The following ABHD2 variants were observed in gnomAD, a reference collection of about 807,000 sequenced individuals.
The protein encoded by ABHD2 is monoacylglycerol lipase ABHD2.
In ABHD2, 20 loss-of-function variants were observed where a neutral mutation model predicts 48.1. The ratio of observed to expected loss-of-function variants is 0.42; its 90% CI spans 0.29 to 0.60. The LOEUF (loss-of-function observed/expected upper bound fraction) is 0.60. ABHD2 is among the 20% of genes least tolerant of loss of function. The pLI is 0.24. For synonymous variants in ABHD2, 209 were observed against 214.2 expected, an observed-to-expected ratio of 0.98 and a Z score of 0.21; for missense variants, 405 against 550.9, an observed-to-expected ratio of 0.74 and a Z score of 2.65.
chr15:89,165,129 T>C (rs1019936391), intron 5 of ABHD2, among the ~76,000 whole-genome samples: 2 of 152,214 alleles, frequency 1.3e-5, no homozygotes, highest in African/African-American at 2.4e-5. Context: ...AATGCTTGCT[T>C]TCCAGCTGGA....
Position 89,196,453 on chromosome 15 carries a change from C to T in ABHD2, c.*1030C>T, listed in dbSNP as rs2051404466. 1 of 152,160 alleles carries T rather than the reference C, an allele frequency of 6.6e-6. No homozygotes were observed. Among genetic ancestry groups the T allele is most frequent in the Non-Finnish European group, 1.5e-5 (1 of 68,040 alleles). The allele number at this position is 152,160 out of a possible 1,614,324, so 9.4% of individuals were successfully genotyped here. ...ACCAGGTAGATTGCTGAGCTCACTA[C>T]CAGGTTCAAAGTTCAATGACAAACT... is the stretch of plus-strand genomic sequence containing the variant. On this transcript the variant is annotated 3_prime_UTR_variant, in exon 11 of 11. Coordinates refer to ENST00000352732, the MANE Select transcript of ABHD2 (RefSeq NM_152924.5).
At chr15:89,054,331 A>G in the ABHD2 span, among the ~76,000 whole-genome samples, 1 of 152,038 alleles carries the variant, frequency 6.6e-6, no homozygotes, top group Admixed American at 6.6e-5. Flanking sequence ...CAAAAAAAAA[A>G]AAAAGGATTT....
chr15:89,092,313 T>A lies in ABHD2; in HGVS notation c.-107+3750T>A, dbSNP rs1901629049. ...GAACGTTGGTACCCTTGGATTTGCC[T>A]GGTTTCTGATTTTCTTTTGTTGTCT... On this transcript the variant is annotated intron_variant, in intron 1 of 10. Transcript: ENST00000352732. The surrounding 1 kb of genome is among the most constrained non-coding windows in gnomAD (Gnocchi z 4.4). Among the ~76,000 whole-genome samples the A allele has an allele frequency of 6.6e-6, 1 of 152,210 alleles. No homozygotes were observed. The highest frequency in any genetic ancestry group is 1.9e-4 in the East Asian group (1 of 5,200).
intron 5 of ABHD2, among the ~76,000 whole-genome samples, chr15:89,159,173 T>TGTCG (rs1225782760): frequency 6.6e-6 from 1 of 151,484 alleles, no homozygotes; most frequent in East Asian, 2.0e-4. Flanking sequence ...GGTCAGGAGT[T>TGTCG]TGAGAGCAGC....
chr15:89,170,406 C>G (rs2050906920), intron 5 of ABHD2, among the ~76,000 whole-genome samples: 1 of 151,968 alleles, frequency 6.6e-6, no homozygotes, highest in Non-Finnish European at 1.5e-5. Context: ...CAGATTCATC[C>G]TTTTTCACCA....
chr15:89,079,247 G>A, the ABHD2 span, among the ~76,000 whole-genome samples: 7 of 152,126 alleles, frequency 4.6e-5, no homozygotes, highest in South Asian at 2.1e-4. This position sits in a 1 kb window ranked among gnomAD's most constrained non-coding sequence, Gnocchi z 4.3. Context: ...TAGATTCAGC[G>A]AGTGCTAATC....
In ABHD2 at chr15:89,113,730, A is replaced by T. The variant is rs987892294; in HGVS notation, c.-101A>T. The T allele has an allele frequency of 6.6e-6, 1 of 152,168 alleles. No homozygotes were observed. Among genetic ancestry groups the T allele is most frequent in the Non-Finnish European group, 1.5e-5 (1 of 68,016 alleles). The allele number at this position is 152,168 out of a possible 1,614,324, so 9.4% of individuals were successfully genotyped here. Reference sequence around the variant, plus strand: ...TTACCATCCAATCTTTTTAGCTTTTAGGTTTGTTTGAATAAGAGATCTGAC... The same window carrying T: ...TTACCATCCAATCTTTTTAGCTTTTTGGTTTGTTTGAATAAGAGATCTGAC... On this transcript the variant is annotated 5_prime_UTR_variant, in exon 2 of 11. Coordinates refer to ENST00000352732, the MANE Select transcript of ABHD2 (RefSeq NM_152924.5).
At chr15:89,140,105 A>C (rs985933651) in intron 3 of ABHD2, among the ~76,000 whole-genome samples, 3 of 152,216 alleles carry the variant, frequency 2.0e-5, no homozygotes, top group African/African-American at 7.2e-5. Flanking sequence ...GTCTGAGGGC[A>C]GAGTGTAAAG....
Position 89,195,138 on chromosome 15 carries a change from C to A in ABHD2, c.1082-89C>A. ...CACTTAGGTGACCCTGCGGGGACAG[C>A]CAGGCTACCCTAGCCAGCTCACCTC... On this transcript the variant is annotated intron_variant, in intron 10 of 10. Coordinates refer to ENST00000352732, the MANE Select transcript of ABHD2 (RefSeq NM_152924.5). The surrounding 1 kb of genome is among the most constrained non-coding windows in gnomAD (Gnocchi z 5.1). 6.8e-7 allele frequency: 1 copy of A among 1,474,624 alleles called. No homozygotes were observed. The highest frequency in any genetic ancestry group is 9.1e-7 in the Non-Finnish European group (1 of 1,093,912). 91.3% of individuals were successfully genotyped at this position (1,474,624 alleles called of 1,614,324 possible).
intron 1 of ABHD2, among the ~76,000 whole-genome samples, chr15:89,113,382 T>C (rs563024924): frequency 1.3e-5 from 2 of 152,382 alleles, no homozygotes; most frequent in African/African-American, 2.4e-5. Flanking sequence ...AGTTATTTCA[T>C]TGGTCACACA....
At chr15:89,133,928 C>G (rs1400476654) in intron 3 of ABHD2, among the ~76,000 whole-genome samples, 1 of 151,318 alleles carries the variant, frequency 6.6e-6, no homozygotes, top group East Asian at 1.9e-4. Context: ...GCTCCGCCTC[C>G]TGGGTTCACA....
intron 1 of ABHD2, among the ~76,000 whole-genome samples, chr15:89,089,915 G>A (rs939488036): frequency 6.6e-6 from 1 of 152,102 alleles, no homozygotes; most frequent in African/African-American, 2.4e-5. Context: ...AGAGCTGAAG[G>A]CACCTTAGAT....
At chr15:89,093,360 G>A (rs1901678043) in intron 1 of ABHD2, among the ~76,000 whole-genome samples, 1 of 151,602 alleles carries the variant, frequency 6.6e-6, no homozygotes, top group African/African-American at 2.4e-5. Context: ...TTGTATTTTT[G>A]GTAGAGACAG....
intron 3 of ABHD2, among the ~76,000 whole-genome samples, chr15:89,148,519 T>C (rs922075376): frequency 6.6e-6 from 1 of 152,258 alleles, no homozygotes; most frequent in Admixed American, 6.5e-5. Context: ...TGAACCCATC[T>C]TTTTTAGAAG....
intron 1 of ABHD2, among the ~76,000 whole-genome samples, chr15:89,090,848 C>T (rs1901567069): frequency 1.3e-5 from 2 of 152,102 alleles, no homozygotes; most frequent in African/African-American, 2.4e-5. Flanking sequence ...TTTTATGAGC[C>T]ACTGTATTAA....
Position 89,155,642 on chromosome 15 carries a change from G to A in ABHD2, c.538+108G>A. The A allele has an allele frequency of 7.4e-7, 1 of 1,349,846 alleles. No individual in the cohort carries two copies. The highest frequency in any genetic ancestry group is 1.4e-5 in the South Asian group (1 of 72,266). The allele number at this position is 1,349,846 out of a possible 1,614,324, so 83.6% of individuals were successfully genotyped here. On this transcript the variant is annotated intron_variant, in intron 5 of 10. Transcript: ENST00000352732. The surrounding 1 kb of genome is among the most constrained non-coding windows in gnomAD (Gnocchi z 4.9). ...GTTTTAAACCTATGCCCATCTGCAA[G>A]AGATGGTAGGTCACACGGTTATATC... is the stretch of plus-strand genomic sequence containing the variant.
chr15:89,041,803 G>T, the ABHD2 span, among the ~76,000 whole-genome samples: 1 of 152,324 alleles, frequency 6.6e-6, no homozygotes, highest in Non-Finnish European at 1.5e-5. Context: ...CCCAGACCTG[G>T]CCTGGAGGGG....
chr15:89,093,255 G>A (rs113681457), intron 1 of ABHD2, among the ~76,000 whole-genome samples: 3 of 139,570 alleles, frequency 2.1e-5, no homozygotes, highest in Non-Finnish European at 3.0e-5. Context: ...ATCTTGGCTC[G>A]CTGCAACCTC....
At chr15:89,045,310 T>G in the ABHD2 span, among the ~76,000 whole-genome samples, 1 of 152,148 alleles carries the variant, frequency 6.6e-6, no homozygotes, top group African/African-American at 2.4e-5. Context: ...TACTGTAGCC[T>G]TGTAGTATAG....
Sources: allele counts gnomAD v4.1 joint callset (sites outside exome capture counted in the v4.1 genomes callset), GRCh38; gene constraint gnomAD v4.1.1; non-coding constraint Gnocchi (gnomAD v3.1); transcripts MANE v1.5; gene names NCBI Gene and HGNC (gene_info 2026-07-23, HGNC 2026-07-21).